Variants in NOS1AP observed in about 807,000 individuals in gnomAD.
NOS1AP encodes carboxyl-terminal PDZ ligand of neuronal nitric oxide synthase protein.
A neutral mutation model predicts 56.2 loss-of-function variants in NOS1AP; 21 were observed. The ratio of observed to expected loss-of-function variants is 0.37; its 90% CI spans 0.26 to 0.54. The LOEUF is 0.54. NOS1AP is among the 20% of genes least tolerant of loss of function. The pLI is 0.84. For missense variants in NOS1AP, 522 were observed against 657.8 expected, an observed-to-expected ratio of 0.79 and a Z score of 2.26; for synonymous variants, 270 against 274.6, an observed-to-expected ratio of 0.98 and a Z score of 0.17.
intron 2 of NOS1AP, among the ~76,000 whole-genome samples, chr1:162,171,907 C>A (rs1441256676): frequency 6.6e-6 from 1 of 152,162 alleles, no homozygotes; most frequent in Non-Finnish European, 1.5e-5. Context: ...CCATACCACC[C>A]TTTTTAGGCC....
chr1:162,142,902 A>G (rs532491498), intron 1 of NOS1AP, among the ~76,000 whole-genome samples: 4 of 152,340 alleles, frequency 2.6e-5, no homozygotes, highest in African/African-American at 9.6e-5. Flanking sequence ...AGTTTAAAAT[A>G]TAGAAAACTT....
intron 2 of NOS1AP, among the ~76,000 whole-genome samples, chr1:162,258,457 T>C (rs1654105262): frequency 6.6e-6 from 1 of 152,108 alleles, no homozygotes; most frequent in African/African-American, 2.4e-5. Flanking sequence ...TGGAATCTTT[T>C]CCTCCCATGG....
intron 1 of NOS1AP, among the ~76,000 whole-genome samples, chr1:162,147,331 C>CAAAAA (rs572205161): frequency 1.3e-5 from 1 of 74,856 alleles, no homozygotes; most frequent in African/African-American, 4.3e-5. Flanking sequence ...GACTCCGTCT[C>CAAAAA]AAAAAAAAAA....
At chr1:162,262,934 C>T (rs1005475037) in intron 2 of NOS1AP, among the ~76,000 whole-genome samples, 7 of 152,212 alleles carry the variant, frequency 4.6e-5, no homozygotes, top group African/African-American at 1.7e-4. Context: ...TCACCTTTCT[C>T]ATCTTAAACT....
chr1:162,108,647 C>T (rs779617892), intron 1 of NOS1AP, among the ~76,000 whole-genome samples: 2 of 151,784 alleles, frequency 1.3e-5, no homozygotes, highest in Non-Finnish European at 2.9e-5. Flanking sequence ...ACAATGGCTG[C>T]TGACAACATG....
intron 1 of NOS1AP, among the ~76,000 whole-genome samples, chr1:162,091,550 G>A (rs1692131175): frequency 1.3e-5 from 2 of 152,190 alleles, no homozygotes; most frequent in South Asian, 4.2e-4. Flanking sequence ...TCCCAGAATT[G>A]GGATATTGCT....
intron 3 of NOS1AP, among the ~76,000 whole-genome samples, chr1:162,287,705 CATTTT>C (rs1655134694): frequency 6.6e-6 from 1 of 152,110 alleles, no homozygotes; most frequent in Non-Finnish European, 1.5e-5. Context: ...CCCCCCTCCC[CATTTT>C]CATACCTTTA....
At chr1:162,366,962 T>C in intron 9 of NOS1AP, 90 bp from the exon 10 acceptor site, 1 of 1,497,302 alleles carries the variant, frequency 6.7e-7, no homozygotes, top group East Asian at 2.3e-5. Context: ...GGAAGGGCTT[T>C]GGCAGGGCAC....
intron 2 of NOS1AP, among the ~76,000 whole-genome samples, chr1:162,258,437 G>A (rs1286200495): frequency 6.6e-6 from 1 of 152,084 alleles, no homozygotes; most frequent in Admixed American, 6.6e-5. Context: ...AGACATAGGT[G>A]CATCTTATCT....
At chr1:162,209,927 C>A (rs1351518739) in intron 2 of NOS1AP, among the ~76,000 whole-genome samples, 1 of 152,058 alleles carries the variant, frequency 6.6e-6, no homozygotes, top group Non-Finnish European at 1.5e-5. Flanking sequence ...ATCACTGGGG[C>A]CATTTTAGCC....
At chr1:162,090,695 A>G (rs1276061557) in intron 1 of NOS1AP, among the ~76,000 whole-genome samples, 1 of 151,712 alleles carries the variant, frequency 6.6e-6, no homozygotes, top group Non-Finnish European at 1.5e-5. Flanking sequence ...TTTTTCTTAT[A>G]TTTCTTCTAG....
chr1:162,166,268 C>T (rs1012616498), intron 2 of NOS1AP, among the ~76,000 whole-genome samples: 8 of 152,202 alleles, frequency 5.3e-5, no homozygotes, highest in Non-Finnish European at 1.0e-4. Context: ...ATTCTGTAGG[C>T]ATTGTCCTAC....
chr1:162,144,552 C>T (rs918934845), intron 1 of NOS1AP, among the ~76,000 whole-genome samples: 1 of 140,116 alleles, frequency 7.1e-6, no homozygotes, highest in African/African-American at 2.7e-5. Flanking sequence ...CCCTTTGCCT[C>T]ACACCATGTG....
chr1:162,365,681 T>G (rs1008421523), intron 9 of NOS1AP, 112 bp downstream of exon 9: 3 of 1,327,228 alleles, frequency 2.3e-6, no homozygotes, highest in African/African-American at 1.4e-5. Flanking sequence ...ACCCCTATAT[T>G]CCAGCAGAAA....
chr1:162,327,044 GAAC>G lies in NOS1AP; in HGVS notation c.345-5967_345-5965del, dbSNP rs553362330. Among the ~76,000 whole-genome samples, 16 of 152,268 alleles carry G rather than the reference GAAC, an allele frequency of 1.1e-4. No homozygotes were observed. The East Asian group carries it at 2.9e-3, about 28-fold the overall frequency. On this transcript the variant is annotated intron_variant, in intron 4 of 9. Transcript: ENST00000361897. ...CTTAAAAACAAGTATGAGTGCAAAG[GAAC>G]AACAATTACTGAGAGAACTGAAACC...
At chr1:162,302,221 C>G (rs1407108364) in intron 4 of NOS1AP, among the ~76,000 whole-genome samples, 1 of 152,208 alleles carries the variant, frequency 6.6e-6, no homozygotes, top group Non-Finnish European at 1.5e-5. Flanking sequence ...AGGGAAAAAT[C>G]TATGCCCTTC....
chr1:162,232,381 G>A (rs1246599351), intron 2 of NOS1AP, among the ~76,000 whole-genome samples: 1 of 152,098 alleles, frequency 6.6e-6, no homozygotes, highest in South Asian at 2.1e-4. Context: ...TTCCTCTTGG[G>A]GATCAGAGAA....
intron 4 of NOS1AP, among the ~76,000 whole-genome samples, chr1:162,329,361 AAGAGAG>A (rs112676244): frequency 1.4e-4 from 21 of 148,810 alleles, no homozygotes; most frequent in South Asian, 1.1e-3. Flanking sequence ...CCAAGAAAAA[AAGAGAG>A]AGAGAGAGAG....
At chr1:162,237,897 C>T (rs2101677205) in intron 2 of NOS1AP, among the ~76,000 whole-genome samples, 1 of 151,970 alleles carries the variant, frequency 6.6e-6, no homozygotes, top group African/African-American at 2.4e-5. Flanking sequence ...CACATGAGTC[C>T]TTTGCTGTCC....
Sources: allele counts gnomAD v4.1 joint callset (sites outside exome capture counted in the v4.1 genomes callset), GRCh38; gene constraint gnomAD v4.1.1; transcripts MANE v1.5; gene names NCBI Gene and HGNC (gene_info 2026-07-23, HGNC 2026-07-21).